Variants in TXLNB observed in about 807,000 individuals in gnomAD.
TXLNB encodes the protein beta-taxilin.
Under a neutral mutation model 57.4 loss-of-function variants are expected in TXLNB, and 37 were observed. The observed-to-expected ratio is 0.64, with a 90% confidence interval of 0.50 to 0.85. The LOEUF (loss-of-function observed/expected upper bound fraction) is 0.85, where lower values mean the gene tolerates loss of function less well. TXLNB is among the 40% of genes least tolerant of loss of function. The pLI is 0.00. For synonymous variants in TXLNB, 302 were observed against 309.6 expected, an observed-to-expected ratio of 0.98 and a Z score of 0.26; for missense variants, 848 against 825.6, an observed-to-expected ratio of 1.03 and a Z score of -0.33.
intron 4 of TXLNB, among the ~76,000 whole-genome samples, chr6:139,267,590 C>G (rs1352636413): frequency 1.3e-5 from 2 of 151,958 alleles, no homozygotes; most frequent in East Asian, 1.9e-4. Flanking sequence ...GCAGAGGTGA[C>G]AAATAATAAA....
chr6:139,279,939 A>G (rs1366601329), intron 2 of TXLNB, among the ~76,000 whole-genome samples: 1 of 152,228 alleles, frequency 6.6e-6, no homozygotes, highest in Non-Finnish European at 1.5e-5. Context: ...GGTCACTGGC[A>G]CAGTTTTATT....
chr6:139,271,702 C>T (rs1449985573), intron 3 of TXLNB: 4 of 152,076 alleles, frequency 2.6e-5, no homozygotes, highest in South Asian at 2.1e-4. Context: ...GTATGGGGAT[C>T]AACCTCAGAA....
At chr6:139,222,300 T>G in the TXLNB span, among the ~76,000 whole-genome samples, 1 of 152,198 alleles carries the variant, frequency 6.6e-6, no homozygotes, top group Non-Finnish European at 1.5e-5. Context: ...AGAAAGCTCA[T>G]GTTTATATCA....
intron 3 of TXLNB, 130 bp downstream of exon 3, chr6:139,276,700 T>A: frequency 1.5e-6 from 1 of 689,062 alleles, no homozygotes. Context: ...ATCTGCAGGG[T>A]TAGCGCACAG....
Position 139,247,853 on chromosome 6 carries a change from G to A in TXLNB, c.1134C>T (p.Asn378=), listed in dbSNP as rs142784490. ...EEFQSTLTKS[N]EVFATFKQEM... ...CCTGTTTGAACGTGGCAAACACCTCGTTGCTTTTAGTTAGTGTGCTCTGGA... is the reference window on the plus strand; with the variant it reads ...CCTGTTTGAACGTGGCAAACACCTCATTGCTTTTAGTTAGTGTGCTCTGGA... The change falls in exon 8 of 10, where the codon AAC becomes AAT. Residue 378 remains asparagine, a synonymous_variant. Coordinates refer to ENST00000358430, the MANE Select transcript of TXLNB (RefSeq NM_153235.4). 2.3e-5 allele frequency: 37 copies of A among 1,606,010 alleles called. No individual in the cohort carries two copies. In the African/African-American group the frequency reaches 2.7e-4, roughly 12 times the overall value.
the TXLNB span, among the ~76,000 whole-genome samples, chr6:139,201,391 C>T: frequency 6.6e-6 from 1 of 152,134 alleles, no homozygotes; most frequent in Non-Finnish European, 1.5e-5. Context: ...ACAAATTCCC[C>T]AAATAGGCCA....
chr6:139,186,109 T>C, the TXLNB span, among the ~76,000 whole-genome samples: 1 of 152,148 alleles, frequency 6.6e-6, no homozygotes, highest in East Asian at 1.9e-4. Context: ...ATGTAACAAA[T>C]GGAGTTGGAA....
the TXLNB span, among the ~76,000 whole-genome samples, chr6:139,225,899 T>C: frequency 3.5e-4 from 54 of 152,146 alleles, no homozygotes; most frequent in African/African-American, 1.2e-3. Flanking sequence ...GCAGGAAGAC[T>C]TACATTATCA....
the TXLNB span, among the ~76,000 whole-genome samples, chr6:139,322,701 G>GT: frequency 6.6e-6 from 1 of 152,114 alleles, no homozygotes; most frequent in Non-Finnish European, 1.5e-5. Flanking sequence ...AATTATCTTA[G>GT]TAACAACTGC....
intron 2 of TXLNB, among the ~76,000 whole-genome samples, chr6:139,278,953 G>A (rs1473269852): frequency 6.6e-6 from 1 of 152,148 alleles, no homozygotes; most frequent in Non-Finnish European, 1.5e-5. Context: ...GCAGTGAGCT[G>A]AGATTGCACC....
the TXLNB span, among the ~76,000 whole-genome samples, chr6:139,302,506 G>A: frequency 1.3e-5 from 2 of 151,608 alleles, no homozygotes; most frequent in Admixed American, 1.3e-4. Flanking sequence ...GCTCACACCT[G>A]TAATCCCAGC....
the TXLNB span, among the ~76,000 whole-genome samples, chr6:139,224,006 T>C: frequency 6.1e-5 from 9 of 147,930 alleles, no homozygotes; most frequent in Middle Eastern, 3.4e-3. Context: ...CGTATGTTTA[T>C]TGCAGCACTA....
At chr6:139,220,943 A>T in the TXLNB span, among the ~76,000 whole-genome samples, 2 of 152,184 alleles carry the variant, frequency 1.3e-5, no homozygotes, top group Non-Finnish European at 2.9e-5. Context: ...GACAAGCTGG[A>T]TGGGAATTCT....
chr6:139,264,652 C>T lies in TXLNB; in HGVS notation c.688-1879G>A, dbSNP rs183099980. Among the ~76,000 whole-genome samples, 34 of 152,204 alleles carry T rather than the reference C, an allele frequency of 2.2e-4. No individual in the cohort carries two copies. In the East Asian group the frequency reaches 2.7e-3, roughly 12 times the overall value. On this transcript the variant is annotated intron_variant, in intron 4 of 9. Coordinates refer to ENST00000358430, the MANE Select transcript of TXLNB (RefSeq NM_153235.4). ...TCGGCTCACTGCAACCTCCAACACC[C>T]GAGTTCAAGTGATTCTCCTGCCTCA...
At chr6:139,269,901 A>G (rs1009442296) in intron 4 of TXLNB, among the ~76,000 whole-genome samples, 1 of 152,178 alleles carries the variant, frequency 6.6e-6, no homozygotes, top group African/African-American at 2.4e-5. Flanking sequence ...TGATCAGTCT[A>G]TTATTTTTAG....
the TXLNB span, among the ~76,000 whole-genome samples, chr6:139,210,849 C>G: frequency 1.3e-5 from 2 of 152,240 alleles, no homozygotes; most frequent in Non-Finnish European, 2.9e-5. Context: ...GCGCCTAGCT[C>G]GGAGGGTCCT....
At position 139,276,937 on chromosome 6, in the gene TXLNB, C is replaced by T. The variant is rs755892054; in HGVS notation, c.425-16G>A. The T allele has an allele frequency of 8.3e-6, 13 of 1,557,004 alleles. No individual in the cohort carries two copies. The African/African-American group carries it at 1.2e-4, about 15-fold the overall frequency. On this transcript the variant is annotated splice_polypyrimidine_tract_variant and intron_variant, in intron 2 of 9. Coordinates refer to ENST00000358430, the MANE Select transcript of TXLNB (RefSeq NM_153235.4). Reference sequence around the variant, plus strand: ...GCTTCTTTGCCTTAAAAAAAAAAGACATGAAAAAAATAAGTGTTGAATTTA... The same window carrying T: ...GCTTCTTTGCCTTAAAAAAAAAAGATATGAAAAAAATAAGTGTTGAATTTA...
intron 3 of TXLNB, among the ~76,000 whole-genome samples, chr6:139,274,557 A>G (rs922543690): frequency 1.3e-5 from 2 of 152,192 alleles, no homozygotes; most frequent in Non-Finnish European, 2.9e-5. Context: ...GCTTGAATTG[A>G]ATATGGTCTC....
rs1776631078 is a variant in TXLNB, at chr6:139,266,977, A to AC, written c.687+3478_687+3479insG. Among the ~76,000 whole-genome samples the AC allele has an allele frequency of 3.3e-5, 5 of 151,698 alleles. No individual in the cohort carries two copies. In the South Asian group the frequency reaches 6.2e-4, roughly 19 times the overall value. ...TTAAGGCTAAAAGGAAAAAAAAAAA[A>AC]AAAACCCACGAATAGGTTCTCTCAA... is the stretch of plus-strand genomic sequence containing the variant. On this transcript the variant is annotated intron_variant, in intron 4 of 9. Transcript: ENST00000358430.
Sources: allele counts gnomAD v4.1 joint callset (sites outside exome capture counted in the v4.1 genomes callset), GRCh38; gene constraint gnomAD v4.1.1; transcripts MANE v1.5; gene names NCBI Gene and HGNC (gene_info 2026-07-23, HGNC 2026-07-21).